ENOSF1: variants seen among roughly 807,000 people sequenced by gnomAD.
ENOSF1 encodes enolase superfamily member 1.
Under a neutral mutation model 68.2 loss-of-function variants are expected in ENOSF1, and 73 were observed. The ratio of observed to expected loss-of-function variants is 1.07; its 90% CI spans 0.89 to 1.30. The LOEUF is 1.30. Ranked by LOEUF, ENOSF1 falls within the 50% of genes most tolerant of loss-of-function variation. The pLI is 0.00. For synonymous variants in ENOSF1, 223 were observed against 210.4 expected (o/e 1.06, Z -0.52); for missense variants, 589 against 554.5 (o/e 1.06, Z -0.62).
chr18:667,016 GAGATGGA>G (rs1567989818), downstream of ENOSF1, among the ~76,000 whole-genome samples: 4 of 6,960 alleles, frequency 5.7e-4, 1 homozygote, highest in Non-Finnish European at 1.4e-3. Flanking sequence ...GATGGTGATG[GAGATGGA>G]GATGGTGATG....
chr18:676,155 G>C (rs935081538), intron 14 of ENOSF1, among the ~76,000 whole-genome samples: 1 of 152,208 alleles, frequency 6.6e-6, no homozygotes, highest in Non-Finnish European at 1.5e-5. Flanking sequence ...CAGGTTCTGC[G>C]TCAGCCACTT....
intron 5 of ENOSF1, chr18:693,384 TAGCTCACTGC>T: frequency 1.7e-6 from 2 of 1,162,090 alleles, no homozygotes; most frequent in Non-Finnish European, 2.2e-6. Context: ...GGTGCAATTA[TAGCTCACTGC>T]AGCCTGAAAC....
At position 712,253 on chromosome 18, in the gene ENOSF1, G is replaced by C. The variant is rs1254535783; in HGVS notation, c.84+251C>G. 10 of 1,520,350 alleles carry C rather than the reference G, an allele frequency of 6.6e-6. No individual in the cohort carries two copies. The African/African-American group carries it at 1.4e-4, about 21-fold the overall frequency. 94.2% of individuals were successfully genotyped at this position (1,520,350 alleles called of 1,614,324 possible). On this transcript the variant is annotated intron_variant, in intron 1 of 15. Transcript: ENST00000647584. ...AAAAGCGAGTGTCTCCCCCAGGCGC[G>C]CCTCCCACTTTACAGAAGCAATGGG...
Position 673,068 on chromosome 18 carries a change from CT to C in ENOSF1, c.*1236del. The C allele has an allele frequency of 4.9e-6, 7 of 1,422,526 alleles. No homozygotes were observed. Among genetic ancestry groups the C allele is most frequent in the Non-Finnish European group, 4.7e-6 (5 of 1,069,568 alleles). 88.1% of individuals were successfully genotyped at this position (1,422,526 alleles called of 1,614,324 possible). On this transcript the variant is annotated 3_prime_UTR_variant, in exon 16 of 16. Transcript: ENST00000647584. ...TGGGCTGGATGCCGAGGTAAAAGTT[CT>C]TTTTGCTCTAAAAGAAAAAGGAACT...
intron 13 of ENOSF1, 111 bp downstream of exon 13, chr18:677,632 T>C: frequency 7.0e-7 from 1 of 1,438,780 alleles, no homozygotes; most frequent in Admixed American, 2.3e-5. Flanking sequence ...TAGAAAAAAA[T>C]CGAAATGGCA....
intron 12 of ENOSF1, 83 bp downstream of exon 12, chr18:678,613 A>C: frequency 7.2e-7 from 1 of 1,379,812 alleles, no homozygotes; most frequent in Non-Finnish European, 1.0e-6. Flanking sequence ...GATGGAGCCT[A>C]ACACACAACT....
rs148755580 is a variant in ENOSF1, at chr18:678,638, T to C, written c.918+58A>G. The C allele has an allele frequency of 3.4e-4, 526 of 1,537,052 alleles. 3 individuals are homozygous for C. In the East Asian group the frequency reaches 9.7e-3, roughly 28 times the overall value. On this transcript the variant is annotated intron_variant, in intron 12 of 15. Coordinates refer to ENST00000647584, the MANE Select transcript of ENOSF1 (RefSeq NM_017512.7). Reference sequence around the variant, plus strand: ...AACACACAACTGTGTCCTCGGTCACTGGTCAGCGTGTACTGACCCCAAGGG... The same window carrying C: ...AACACACAACTGTGTCCTCGGTCACCGGTCAGCGTGTACTGACCCCAAGGG...
rs1050397238 is a variant in ENOSF1, at chr18:712,304, C to T, written c.84+200G>A. The T allele has an allele frequency of 1.5e-5, 23 of 1,496,320 alleles. 4 individuals are homozygous for T. Among genetic ancestry groups the T allele is most frequent in the South Asian group, 8.5e-5 (7 of 82,762 alleles). The allele number at this position is 1,496,320 out of a possible 1,614,324, so 92.7% of individuals were successfully genotyped here. On this transcript the variant is annotated intron_variant, in intron 1 of 15. Transcript: ENST00000647584. ...TTCGAAGTCGGGAAGCTGCCCGGGG[C>T]CCGCAGAGCTGCAGTCGGCGGGGCG...
At chr18:691,591 C>A (rs1048870024) in intron 5 of ENOSF1, 5 of 241,334 alleles carry the variant, frequency 2.1e-5, no homozygotes, top group African/African-American at 2.3e-5. Context: ...AAGCAATCCT[C>A]CCTCCTTGGC....
intron 3 of ENOSF1, among the ~76,000 whole-genome samples, chr18:695,207 A>C (rs2077595257): frequency 6.6e-6 from 1 of 152,226 alleles, no homozygotes; most frequent in Admixed American, 6.5e-5. Context: ...AGCATTTTAA[A>C]AGAGTACAGG....
rs368581292 is a variant in ENOSF1, at chr18:691,284, C to T, written c.424-8G>A. On this transcript the variant is annotated splice_region_variant and splice_polypyrimidine_tract_variant and intron_variant, in intron 5 of 15. Coordinates refer to ENST00000647584, the MANE Select transcript of ENOSF1 (RefSeq NM_017512.7). ...TACCAGCATCCTGGGATCCTGGCAA[C>T]GTGACAGGAGGGGAAGAGGCCTGAA... 9.5e-5 allele frequency: 153 copies of T among 1,611,116 alleles called. No homozygotes were observed. The highest frequency in any genetic ancestry group is 5.7e-4 in the African/African-American group (43 of 74,974).
chr18:704,469 T>C (rs1160136184), intron 2 of ENOSF1, among the ~76,000 whole-genome samples: 1 of 144,182 alleles, frequency 6.9e-6, no homozygotes, highest in African/African-American at 2.6e-5. Flanking sequence ...AACAGCCTAA[T>C]ATATCCTCTC....
At chr18:685,666 G>T (rs905288813) in intron 10 of ENOSF1, among the ~76,000 whole-genome samples, 1 of 152,128 alleles carries the variant, frequency 6.6e-6, no homozygotes, top group Admixed American at 6.5e-5. Context: ...AAAACTGTTT[G>T]CTCAGGTACA....
In ENOSF1 at chr18:686,001, C is replaced by A. The variant is rs1348616560; in HGVS notation, c.661G>T (p.Val221Leu). ...ALKDGWTRFK[V>L]KVGADLQDDM... Reference sequence around the variant, plus strand: ...TCCTGGAGATCAGCACCCACCTTTACTTTAAACCTAGAAAATGCATTTGGT... The same window carrying A: ...TCCTGGAGATCAGCACCCACCTTTAATTTAAACCTAGAAAATGCATTTGGT... The change falls in exon 10 of 16, where the codon GTA becomes TTA. Residue 221 changes from valine (V) to leucine (L), a missense_variant. Coordinates refer to ENST00000647584, the MANE Select transcript of ENOSF1 (RefSeq NM_017512.7). The A allele has an allele frequency of 6.2e-7, 1 of 1,613,738 alleles. No individual in the cohort carries two copies.
At chr18:668,463 T>C (rs1163312512), downstream of ENOSF1, among the ~76,000 whole-genome samples, 1 of 152,174 alleles carries the variant, frequency 6.6e-6, no homozygotes, top group Non-Finnish European at 1.5e-5. Flanking sequence ...GGGAGCAAAG[T>C]ACAAGGTGGT....
In ENOSF1 at chr18:674,206, TG is replaced by T; in HGVS notation, c.*98del. On this transcript the variant is annotated 3_prime_UTR_variant, in exon 16 of 16. Transcript: ENST00000647584. ...GTATGACTTCTAGCTGAACTCATCT[TG>T]ATCGGTAGGATTTTTTAAATCCATT... 1 of 812,414 alleles carries T rather than the reference TG, an allele frequency of 1.2e-6. No homozygotes were observed. Among genetic ancestry groups the T allele is most frequent in the Non-Finnish European group, 2.0e-6 (1 of 497,460 alleles). 50.3% of individuals were successfully genotyped at this position (812,414 alleles called of 1,614,324 possible).
chr18:706,387 G>T, intron 2 of ENOSF1, 83 bp downstream of exon 2: 1 of 935,814 alleles, frequency 1.1e-6, no homozygotes, highest in Non-Finnish European at 1.7e-6. Flanking sequence ...TCTAAATCAA[G>T]ATTCTAATGA....
chr18:675,251 T>A, intron 15 of ENOSF1, 70 bp downstream of exon 15: 1 of 1,159,566 alleles, frequency 8.6e-7, no homozygotes, highest in Non-Finnish European at 1.3e-6. Flanking sequence ...CTCCACAGTC[T>A]AGTTCACGAG....
At chr18:709,179 G>A (rs116405670) in intron 1 of ENOSF1, among the ~76,000 whole-genome samples, 2,884 of 152,218 alleles carry the variant, frequency 0.019, 87 homozygotes, top group African/African-American at 0.066. Context: ...AGGCAGATCC[G>A]GAAATGAGAT....
Sources: allele counts gnomAD v4.1 joint callset (sites outside exome capture counted in the v4.1 genomes callset), GRCh38; gene constraint gnomAD v4.1.1; transcripts MANE v1.5; gene names NCBI Gene and HGNC (gene_info 2026-07-23, HGNC 2026-07-21).